Variants in FAAH2 observed in about 807,000 individuals in gnomAD.
FAAH2 encodes fatty-acid amide hydrolase 2.
Under a neutral mutation model 36.9 loss-of-function variants are expected in FAAH2, and 60 were observed. The observed-to-expected ratio is 1.63, with a 90% CI of 1.32 to 2.02. The LOEUF is 2.02. Among genes scored for constraint, FAAH2 ranks in the 30% most tolerant of loss-of-function variants. The probability of loss-of-function intolerance (pLI) is 0.00; values close to 1 mark genes in which losing one functional copy is unlikely to be tolerated. For synonymous variants in FAAH2, 214 were observed against 143.8 expected (o/e 1.49, Z -3.49); for missense variants, 689 against 397.5 (o/e 1.73, Z -6.23).
intron 7 of FAAH2, among the ~76,000 whole-genome samples, chrX:57,396,745 G>A (rs777177358): frequency 4.3e-4 from 48 of 111,475 alleles, no homozygotes; most frequent in African/African-American, 1.5e-3. Flanking sequence ...CTTGCTATAT[G>A]GCCAAGCATG....
intron 7 of FAAH2, among the ~76,000 whole-genome samples, chrX:57,408,392 G>A (rs59159126): frequency 2.7e-5 from 3 of 110,389 alleles, no homozygotes; most frequent in Non-Finnish European, 3.8e-5. Flanking sequence ...TTATGTGTTA[G>A]TATTTTAATC....
chrX:57,172,847 C>T, the FAAH2 span, among the ~76,000 whole-genome samples: 1 of 111,382 alleles, frequency 9.0e-6, no homozygotes, highest in Non-Finnish European at 1.9e-5. Context: ...CACCTATGTG[C>T]TATGTGTTCC....
At chrX:57,364,009 G>GTTTTTT (rs59787885) in intron 5 of FAAH2, among the ~76,000 whole-genome samples, 651 of 46,467 alleles carry the variant, frequency 0.014, no homozygotes, top group East Asian at 0.062. Flanking sequence ...GGCCTGTAGG[G>GTTTTTT]TTTTTTTTTT....
At chrX:57,296,119 C>A (rs898657313) in intron 2 of FAAH2, among the ~76,000 whole-genome samples, 3 of 112,240 alleles carry the variant, frequency 2.7e-5, no homozygotes, top group Non-Finnish European at 3.8e-5. Context: ...TCTCCCAGCA[C>A]GCAGCTTGAG....
the FAAH2 span, among the ~76,000 whole-genome samples, chrX:57,144,458 C>T: frequency 3.7e-5 from 4 of 106,965 alleles, no homozygotes; most frequent in African/African-American, 1.4e-4. Flanking sequence ...GTTTTTTTTT[C>T]CCCTACTTGA....
At chrX:57,161,399 G>A in the FAAH2 span, among the ~76,000 whole-genome samples, 61 of 110,852 alleles carry the variant, frequency 5.5e-4, no homozygotes, top group South Asian at 0.019. Flanking sequence ...AGCTGAGTTC[G>A]GCTCCTGGAT....
At chrX:57,444,079 G>C (rs1282833525) in intron 8 of FAAH2, among the ~76,000 whole-genome samples, 2 of 112,080 alleles carry the variant, frequency 1.8e-5, no homozygotes. Context: ...TGAGGAGGCA[G>C]TCTGTCCGTT....
chrX:57,453,636 C>A (rs1227412951), intron 10 of FAAH2, among the ~76,000 whole-genome samples: 1 of 110,969 alleles, frequency 9.0e-6, no homozygotes, highest in African/African-American at 3.3e-5. Flanking sequence ...CCCAAACCCG[C>A]CACTCATAGC....
intron 7 of FAAH2, among the ~76,000 whole-genome samples, chrX:57,400,420 CCTGCTTTTT>C (rs1424833499): frequency 8.9e-6 from 1 of 112,295 alleles, no homozygotes; most frequent in East Asian, 2.8e-4. Context: ...TAGAGCTATT[CCTGCTTTTT>C]CTGTGACATA....
the FAAH2 span, among the ~76,000 whole-genome samples, chrX:57,237,137 G>T: frequency 9.0e-6 from 1 of 111,076 alleles, no homozygotes; most frequent in Non-Finnish European, 1.9e-5. Flanking sequence ...GTGTGTTTTT[G>T]GCAGCTTTGT....
intron 10 of FAAH2, among the ~76,000 whole-genome samples, chrX:57,466,156 C>CTCTATATATA (rs1287266105): frequency 0.028 from 1,833 of 66,278 alleles, 23 homozygotes; most frequent in Middle Eastern, 0.099. Context: ...CTCTCTCTCT[C>CTCTATATATA]TATATATATA....
chrX:57,325,443 A>T (rs1019753320), intron 3 of FAAH2, among the ~76,000 whole-genome samples: 1 of 111,545 alleles, frequency 9.0e-6, no homozygotes. Flanking sequence ...CCTCTGGTAG[A>T]ATTCTGCTGT....
the FAAH2 span, among the ~76,000 whole-genome samples, chrX:57,174,244 T>C: frequency 9.0e-6 from 1 of 110,507 alleles, no homozygotes; most frequent in Non-Finnish European, 1.9e-5. Flanking sequence ...GTTTTCTTTT[T>C]TTAATTATGA....
chrX:57,380,761 A>G (rs2054822454), intron 6 of FAAH2, 151 bp from the exon 7 acceptor site: 2 of 348,570 alleles, frequency 5.7e-6, no homozygotes, highest in Non-Finnish European at 1.0e-5. Context: ...TTTAAATGCA[A>G]ATCTAAATTC....
chrX:57,319,619 C>T (rs756234236), intron 3 of FAAH2, among the ~76,000 whole-genome samples: 3 of 111,915 alleles, frequency 2.7e-5, no homozygotes, highest in African/African-American at 6.5e-5. Context: ...AGATTCAATG[C>T]TATCCCCATT....
At chrX:57,230,094 C>A in the FAAH2 span, among the ~76,000 whole-genome samples, 2 of 112,029 alleles carry the variant, frequency 1.8e-5, no homozygotes, top group South Asian at 7.5e-4. Flanking sequence ...GCTTACAACA[C>A]TATTTTGTGA....
intron 3 of FAAH2, among the ~76,000 whole-genome samples, chrX:57,317,778 T>G (rs765255444): frequency 8.1e-5 from 9 of 111,792 alleles, no homozygotes; most frequent in Non-Finnish European, 1.7e-4. Flanking sequence ...AAAACACTCC[T>G]TAGCAAATGC....
the FAAH2 span, among the ~76,000 whole-genome samples, chrX:57,277,090 C>A: frequency 9.1e-6 from 1 of 110,240 alleles, no homozygotes; most frequent in Non-Finnish European, 1.9e-5. Flanking sequence ...CCAGCATCAG[C>A]CTGATACCAA....
the FAAH2 span, among the ~76,000 whole-genome samples, chrX:57,152,915 C>CCT: frequency 5.4e-5 from 6 of 110,309 alleles, no homozygotes; most frequent in African/African-American, 2.0e-4. Context: ...TTGGCTCCCC[C>CCT]CCCGCTGACC....
Sources: allele counts gnomAD v4.1 joint callset (sites outside exome capture counted in the v4.1 genomes callset), GRCh38; gene constraint gnomAD v4.1.1; transcripts MANE v1.5; gene names NCBI Gene and HGNC (gene_info 2026-07-23, HGNC 2026-07-21).